Variants in DLG2 observed in about 807,000 individuals in gnomAD.
The protein encoded by DLG2 is disks large homolog 2.
A neutral mutation model predicts 132.5 loss-of-function variants in DLG2; 45 were observed. The observed-to-expected ratio is 0.34, with a 90% confidence interval of 0.27 to 0.44. DLG2 has a LOEUF of 0.44. Ranked by LOEUF, DLG2 falls within the 20% of genes least tolerant of loss-of-function variation. The pLI, the probability that DLG2 is intolerant of heterozygous loss-of-function variation, is 1.00. For missense variants in DLG2, 1,045 were observed against 1,196.9 expected (o/e 0.87, Z 1.87); for synonymous variants, 424 against 419.6 (o/e 1.01, Z -0.13).
At chr11:84,733,110 T>C (rs1235230759) in intron 6 of DLG2, among the ~76,000 whole-genome samples, 2 of 152,218 alleles carry the variant, frequency 1.3e-5, no homozygotes, top group Non-Finnish European at 2.9e-5. Context: ...TATGTGTGCA[T>C]GTGTCTTTAT....
intron 11 of DLG2, among the ~76,000 whole-genome samples, chr11:84,045,984 A>C (rs777404922): frequency 6.6e-6 from 1 of 151,564 alleles, no homozygotes; most frequent in South Asian, 2.1e-4. Flanking sequence ...TAGAAAAAAA[A>C]ATCCAGTGAT....
At chr11:85,386,619 T>C (rs1028652277) in intron 3 of DLG2, among the ~76,000 whole-genome samples, 6 of 152,138 alleles carry the variant, frequency 3.9e-5, no homozygotes, top group Non-Finnish European at 7.4e-5. Context: ...ACATAGATTA[T>C]GTTATAGGGT....
chr11:85,252,264 G>T (rs1422216473), intron 4 of DLG2, among the ~76,000 whole-genome samples: 1 of 152,184 alleles, frequency 6.6e-6, no homozygotes, highest in Non-Finnish European at 1.5e-5. Flanking sequence ...GGGATCTTTT[G>T]TGAATGCACA....
At chr11:83,907,440 A>T (rs973337478) in intron 15 of DLG2, among the ~76,000 whole-genome samples, 1 of 152,164 alleles carries the variant, frequency 6.6e-6, no homozygotes, top group African/African-American at 2.4e-5. Context: ...CACTGAGTAA[A>T]TTAGGATGAT....
chr11:84,545,553 T>C (rs1212046349), intron 6 of DLG2: 1 of 388,876 alleles, frequency 2.6e-6, no homozygotes, highest in East Asian at 6.3e-5. Context: ...CAGGGATGAA[T>C]TTACTGAACA....
intron 6 of DLG2, among the ~76,000 whole-genome samples, chr11:84,826,053 T>C (rs1035420834): frequency 3.3e-5 from 5 of 151,830 alleles, no homozygotes; most frequent in African/African-American, 1.2e-4. Context: ...TATCTTTTCT[T>C]AATTTTTAAT....
chr11:84,884,936 T>C (rs1044146836), intron 6 of DLG2, among the ~76,000 whole-genome samples: 2 of 152,138 alleles, frequency 1.3e-5, no homozygotes, highest in African/African-American at 2.4e-5. Flanking sequence ...GTCCAGGGTA[T>C]TCACACTATA....
At chr11:85,135,314 C>T (rs2076071597) in intron 5 of DLG2, among the ~76,000 whole-genome samples, 2 of 152,220 alleles carry the variant, frequency 1.3e-5, no homozygotes, top group South Asian at 2.1e-4. Flanking sequence ...TTAAAGACCA[C>T]GTCCCTTAAT....
intron 2 of DLG2, among the ~76,000 whole-genome samples, chr11:85,603,830 T>C (rs1276722293): frequency 6.6e-6 from 1 of 152,142 alleles, no homozygotes; most frequent in Non-Finnish European, 1.5e-5. Context: ...GATGGGAGGA[T>C]CATTTAAGCC....
chr11:85,127,364 T>G (rs2075253487), intron 5 of DLG2, among the ~76,000 whole-genome samples: 1 of 122,370 alleles, frequency 8.2e-6, no homozygotes, highest in African/African-American at 2.7e-5. Context: ...TAATTTTCAC[T>G]TCCTCAGGAA....
chr11:83,920,582 C>T (rs1449258708), intron 15 of DLG2, among the ~76,000 whole-genome samples: 1 of 152,034 alleles, frequency 6.6e-6, no homozygotes, highest in East Asian at 1.9e-4. Context: ...CCTGAGGTAT[C>T]TATTGGGGGG....
chr11:85,138,525 C>G (rs929821837), intron 5 of DLG2, among the ~76,000 whole-genome samples: 1 of 152,168 alleles, frequency 6.6e-6, no homozygotes, highest in South Asian at 2.1e-4. Flanking sequence ...CATTCCCATA[C>G]TCCACCTTCT....
intron 17 of DLG2, among the ~76,000 whole-genome samples, chr11:83,813,651 C>T (rs941887479): frequency 1.1e-4 from 16 of 152,218 alleles, no homozygotes; most frequent in South Asian, 4.1e-4. Flanking sequence ...AAACCTGTTA[C>T]GAACTCTTGC....
At chr11:84,832,126 T>C (rs1265882197) in intron 6 of DLG2, among the ~76,000 whole-genome samples, 1 of 151,724 alleles carries the variant, frequency 6.6e-6, no homozygotes, top group East Asian at 1.9e-4. Flanking sequence ...TCTTCTTTTC[T>C]TCCTTTCTGT....
At chr11:84,342,962 C>T (rs182464125) in intron 7 of DLG2, among the ~76,000 whole-genome samples, 5 of 152,222 alleles carry the variant, frequency 3.3e-5, no homozygotes, top group Admixed American at 1.3e-4. Flanking sequence ...ATGCAGCGTC[C>T]CAGGCACCAG....
At chr11:85,464,369 A>G (rs1168802317) in intron 3 of DLG2, among the ~76,000 whole-genome samples, 1 of 151,918 alleles carries the variant, frequency 6.6e-6, no homozygotes, top group Non-Finnish European at 1.5e-5. Context: ...GAAGGCTTGG[A>G]GGTTATGGTT....
At chr11:83,596,251 A>G (rs939318623) in intron 19 of DLG2, among the ~76,000 whole-genome samples, 1 of 152,156 alleles carries the variant, frequency 6.6e-6, no homozygotes, top group African/African-American at 2.4e-5. Flanking sequence ...TTGACATAAT[A>G]AAAAATAATT....
chr11:83,624,007 C>A (rs2062072755), intron 19 of DLG2, among the ~76,000 whole-genome samples: 1 of 152,196 alleles, frequency 6.6e-6, no homozygotes, highest in Admixed American at 6.5e-5. Context: ...TGAGAGATTT[C>A]TGGAAATATG....
At chr11:84,772,952 G>C (rs2069686832) in intron 6 of DLG2, among the ~76,000 whole-genome samples, 1 of 151,780 alleles carries the variant, frequency 6.6e-6, no homozygotes, top group African/African-American at 2.4e-5. Flanking sequence ...GATCAGAAGT[G>C]AATGACATTG....
Sources: gnomAD v4.1 joint callset for allele counts (sites outside exome capture counted in the v4.1 genomes callset) on GRCh38, gnomAD v4.1.1 for gene constraint, MANE v1.5 for transcripts, NCBI Gene and HGNC (gene_info 2026-07-23, HGNC 2026-07-21) for gene names.